ATXN2: variants seen among roughly 807,000 people sequenced by gnomAD.
ATXN2 encodes the protein ataxin 2.
ATXN2 carries 37 observed loss-of-function variants against 138.6 expected under a neutral mutation model. The observed-to-expected ratio is 0.27, with a 90% CI of 0.21 to 0.35. The LOEUF (loss-of-function observed/expected upper bound fraction) is 0.35. ATXN2 is among the 10% of genes least tolerant of loss of function. The pLI, the probability that ATXN2 is intolerant of heterozygous loss-of-function variation, is 1.00. For missense variants in ATXN2, 1,216 were observed against 1,480.3 expected, an observed-to-expected ratio of 0.82 and a Z score of 2.93; for synonymous variants, 549 against 543.7, an observed-to-expected ratio of 1.01 and a Z score of -0.13.
chr12:111,599,386 ACCGCCGCCCCGCCCGCT>A (rs1555246881), upstream of ATXN2: 3 of 1,156,844 alleles, frequency 2.6e-6, no homozygotes, highest in East Asian at 8.4e-5. Flanking sequence ...GGGCCGCGCC[ACCGCCGCCCCGCCCGCT>A]CCGCCGCGCC....
chr12:111,525,397 A>G (rs1880426878), intron 5 of ATXN2, 81 bp from the exon 6 acceptor site: 4 of 1,333,756 alleles, frequency 3.0e-6, no homozygotes, highest in South Asian at 2.0e-5. Flanking sequence ...CAACAAAGAC[A>G]TATGTTAAAA....
intron 14 of ATXN2, among the ~76,000 whole-genome samples, chr12:111,500,718 CA>C (rs2135716896): frequency 6.6e-6 from 1 of 152,166 alleles, no homozygotes; most frequent in Admixed American, 6.5e-5. Context: ...ACTAAAAATA[CA>C]AAAATTAGCT....
intron 1 of ATXN2, among the ~76,000 whole-genome samples, chr12:111,567,900 A>G (rs984537061): frequency 6.6e-6 from 1 of 152,238 alleles, no homozygotes; most frequent in African/African-American, 2.4e-5. Flanking sequence ...CAAACAATCT[A>G]ACACATCCTG....
At chr12:111,586,041 A>C (rs887585715) in intron 1 of ATXN2, among the ~76,000 whole-genome samples, 9 of 148,058 alleles carry the variant, frequency 6.1e-5, no homozygotes, top group Non-Finnish European at 1.2e-4. Context: ...AGACTACAGA[A>C]GTGCACGACC....
At chr12:111,492,628 GCAAA>G (rs1878115831) in intron 14 of ATXN2, among the ~76,000 whole-genome samples, 1 of 151,926 alleles carries the variant, frequency 6.6e-6, no homozygotes, top group Admixed American at 6.6e-5. Flanking sequence ...GTTGCGGTGA[GCAAA>G]GACTGTGCCA....
chr12:111,533,429 A>G (rs7978331), intron 5 of ATXN2, among the ~76,000 whole-genome samples: 15,562 of 152,174 alleles, frequency 0.1, 2,662 homozygotes, highest in African/African-American at 0.35. Context: ...TGCTACGGAA[A>G]TAGTTGTGGT....
chr12:111,577,331 T>C (rs1434646707), intron 1 of ATXN2, among the ~76,000 whole-genome samples: 1 of 152,080 alleles, frequency 6.6e-6, no homozygotes, highest in Non-Finnish European at 1.5e-5. Flanking sequence ...AGTGGCACGA[T>C]CTCGGCTCAC....
At chr12:111,530,226 C>A (rs766448187) in intron 5 of ATXN2, among the ~76,000 whole-genome samples, 1 of 152,188 alleles carries the variant, frequency 6.6e-6, no homozygotes, top group African/African-American at 2.4e-5. Context: ...ACTCATAAGT[C>A]TGGACGAGGT....
At position 111,516,069 on chromosome 12, in the gene ATXN2, G is replaced by A. The variant is rs1879839217; in HGVS notation, c.1375+85C>T. On this transcript the variant is annotated intron_variant, in intron 10 of 24. Coordinates refer to ENST00000673436, the MANE Select transcript of ATXN2 (RefSeq NM_001372574.1). The surrounding 1 kb of genome is among the most constrained non-coding windows in gnomAD (Gnocchi z 5.0). The stretch of plus-strand genomic sequence containing the variant: ...CAGAAATTATAGGTTATTAAATAAT[G>A]AAGAGGAAACTATTTTGTAATTATA... 1.4e-5 allele frequency: 18 copies of A among 1,255,328 alleles called. No homozygotes were observed. Among genetic ancestry groups the A allele is most frequent in the Non-Finnish European group, 1.6e-5 (15 of 914,996 alleles). 77.8% of individuals were successfully genotyped at this position (1,255,328 alleles called of 1,614,324 possible).
In ATXN2 at chr12:111,485,863, T is replaced by C. The variant is rs1423394525; in HGVS notation, c.2307A>G (p.Pro769=). The change falls in exon 17 of 25, where the codon CCA becomes CCG. Residue 769 remains proline, a splice_region_variant and synonymous_variant. Transcript: ENST00000673436. ...KEFNPRSFSQ[P]KPSTTPTSPR... Reference sequence around the variant, plus strand: ...GTGAAGTTGGGGTAGTAGAAGGCTTTGGCTACAAAAACAACAATAAATTCA... The same window carrying C: ...GTGAAGTTGGGGTAGTAGAAGGCTTCGGCTACAAAAACAACAATAAATTCA... 2 of 1,613,616 alleles carry C rather than the reference T, an allele frequency of 1.2e-6. No homozygotes were observed.
intron 5 of ATXN2, among the ~76,000 whole-genome samples, chr12:111,535,217 G>A (rs565120011): frequency 1.3e-5 from 2 of 152,296 alleles, no homozygotes; most frequent in African/African-American, 4.8e-5. Flanking sequence ...CAATGAGCAG[G>A]GAAGGTCAGA....
At chr12:111,502,675 T>A (rs928748950) in intron 14 of ATXN2, among the ~76,000 whole-genome samples, 2 of 151,758 alleles carry the variant, frequency 1.3e-5, no homozygotes, top group African/African-American at 4.8e-5. Context: ...AGCTGATCCA[T>A]CCACCTCAGC....
chr12:111,497,010 G>A lies in ATXN2; in HGVS notation c.1936-8230C>T, dbSNP rs116713310. 4.8e-3 allele frequency among the ~76,000 whole-genome samples: 732 copies of A among 151,956 alleles called. 10 individuals carry two copies. Among genetic ancestry groups the A allele is most frequent in the African/African-American group, 0.016 (673 of 41,470 alleles). On this transcript the variant is annotated intron_variant, in intron 14 of 24. Transcript: ENST00000673436. ...AAAGAGAAAACCCAAATAATAAAAT[G>A]AGAGATGAAAAAGGAGACATTATAA...
chr12:111,548,194 A>G (rs1360994819), intron 5 of ATXN2, among the ~76,000 whole-genome samples: 9 of 152,182 alleles, frequency 5.9e-5, no homozygotes, highest in Admixed American at 5.9e-4. Flanking sequence ...TCTGTCTCAA[A>G]ACAAACAAAC....
intron 16 of ATXN2, 55 bp downstream of exon 16, chr12:111,486,706 T>C (rs1877668966): frequency 6.9e-7 from 1 of 1,440,830 alleles, no homozygotes; most frequent in Non-Finnish European, 9.7e-7. Flanking sequence ...GGACTATTAC[T>C]AATAATTTTT....
At chr12:111,482,459 G>T (rs1256389301) in intron 18 of ATXN2, among the ~76,000 whole-genome samples, 1 of 152,004 alleles carries the variant, frequency 6.6e-6, no homozygotes, top group Non-Finnish European at 1.5e-5. Context: ...CTCCCAAAGT[G>T]CTGGATTACA....
At chr12:111,591,203 A>G (rs1209750122) in intron 1 of ATXN2, among the ~76,000 whole-genome samples, 1 of 151,920 alleles carries the variant, frequency 6.6e-6, no homozygotes, top group East Asian at 1.9e-4. Context: ...GAACAGTTTC[A>G]TCTCAAAATC....
At chr12:111,521,557 G>C (rs1880158087) in intron 6 of ATXN2, among the ~76,000 whole-genome samples, 1 of 152,204 alleles carries the variant, frequency 6.6e-6, no homozygotes. Flanking sequence ...TGGGAAGGCA[G>C]CATGAAACGG....
At chr12:111,580,154 A>G (rs551618372) in intron 1 of ATXN2, among the ~76,000 whole-genome samples, 12 of 151,968 alleles carry the variant, frequency 7.9e-5, no homozygotes, top group Non-Finnish European at 1.0e-4. Context: ...CTGCAGACAG[A>G]AAGTTCGGTG....
Sources: allele counts gnomAD v4.1 joint callset (sites outside exome capture counted in the v4.1 genomes callset), GRCh38; gene constraint gnomAD v4.1.1; non-coding constraint Gnocchi (gnomAD v3.1); transcripts MANE v1.5; gene names NCBI Gene and HGNC (gene_info 2026-07-23, HGNC 2026-07-21).